The following RXFP3 variants were observed in gnomAD, a reference collection of about 807,000 sequenced individuals.
RXFP3 encodes the protein relaxin-3 receptor 1.
RXFP3 carries 31 observed loss-of-function variants against 27.3 expected under a neutral mutation model. The ratio of observed to expected loss-of-function variants is 1.13; its 90% confidence interval spans 0.85 to 1.53. The LOEUF is 1.53. RXFP3 is among the 40% of genes most tolerant of loss of function. RXFP3 has a pLI of 0.00. For synonymous variants in RXFP3, 351 were observed against 293.6 expected (o/e 1.20, Z -2.00); for missense variants, 684 against 642.1 (o/e 1.07, Z -0.70).
Position 33,937,724 on chromosome 5 carries a change from GA to G in RXFP3, c.985del (p.Thr329ProfsTer45). On this transcript the variant is annotated frameshift_variant, in exon 1 of 1. Transcript: ENST00000330120. LOFTEE classifies it high-confidence loss of function. ...GACTGTCGAAGGTCACCAAATCAGTGACCATCGTTGTCCTGTCCTTCTTCCT... is the reference window on the plus strand; with the variant it reads ...GACTGTCGAAGGTCACCAAATCAGTGCCATCGTTGTCCTGTCCTTCTTCCT... Reference protein sequence around the residue: ...RRLSKVTKSVTIVVLSFFLCW... With the variant: ...RRLSKVTKSVXIVVLSFFLCW... 1.2e-6 allele frequency: 2 copies of G among 1,613,850 alleles called. No individual in the cohort carries two copies. The highest frequency in any genetic ancestry group is 1.7e-6 in the Non-Finnish European group (2 of 1,179,966).
chr5:33,937,269 A>G lies in RXFP3; in HGVS notation c.529A>G (p.Ser177Gly), dbSNP rs529072137. 1 of 1,613,734 alleles carries G rather than the reference A, an allele frequency of 6.2e-7. No individual in the cohort carries two copies. The highest frequency in any genetic ancestry group is 1.3e-5 in the African/African-American group (1 of 75,052). Reference protein sequence around the residue: ...YASVFFLTAMSVTRYHSVASA... With the variant: ...YASVFFLTAMGVTRYHSVASA... ...CAGCGTGTTCTTCCTCACTGCCATG[A>G]GTGTGACGCGCTACCATTCGGTGGC... Residue 177 changes from serine to glycine, a missense_variant, in exon 1 of 1, where the codon AGT (serine) becomes GGT (glycine). Ser to Gly is a moderately conservative substitution (Grantham distance 56). Transcript: ENST00000330120.
In RXFP3 at chr5:33,937,633, G is replaced by A; in HGVS notation, c.893G>A (p.Arg298His). The A allele has an allele frequency of 1.3e-6, 2 of 1,593,484 alleles. No homozygotes were observed. The highest frequency in any genetic ancestry group is 1.7e-6 in the Non-Finnish European group (2 of 1,170,244). ...CTGGTGCGCTTCATCGCCGACCGCC[G>A]CGCGGCGGGGACCAAAGGAGGGGCC... Reference protein sequence around the residue: ...LLLVRFIADRRAAGTKGGAAV... With the variant: ...LLLVRFIADRHAAGTKGGAAV... The change falls in exon 1 of 1, where the codon CGC (arginine) becomes CAC (histidine). Residue 298 changes from arginine (R) to histidine (H), a missense_variant. Physicochemically the swap from Arg to His is conservative, Grantham distance 29. Coordinates refer to ENST00000330120, the MANE Select transcript of RXFP3 (RefSeq NM_016568.3).
chr5:33,936,898 G>T lies in RXFP3; in HGVS notation c.158G>T (p.Gly53Val). The T allele has an allele frequency of 1.2e-6, 2 of 1,603,446 alleles. No individual in the cohort carries two copies. The highest frequency in any genetic ancestry group is 1.7e-6 in the Non-Finnish European group (2 of 1,172,314). Residue 53 changes from glycine to valine, a missense_variant, in exon 1 of 1, where the codon GGG becomes GTG. By Grantham distance (109) the Gly-to-Val change is moderately radical (BLOSUM62 -3). Transcript: ENST00000330120. ...LQLPDLWWEL[G>V]LELPDGAPPG... is the part of the protein sequence containing the mutation. ...CTTCCGGACTTGTGGTGGGAGCTGG[G>T]GCTGGAGTTGCCGGACGGCGCGCCG...
At position 33,936,420 on chromosome 5, in the gene RXFP3, G is replaced by C. The variant is rs944008158; in HGVS notation, c.-321G>C. ...TGCGCCAGTGCCCCAGTGACCGCGG[G>C]ACACGGAGAGGGGAAGTCTGCGTTG... On this transcript the variant is annotated 5_prime_UTR_variant, in exon 1 of 1. Coordinates refer to ENST00000330120, the MANE Select transcript of RXFP3 (RefSeq NM_016568.3). 2 of 329,370 alleles carry C rather than the reference G, an allele frequency of 6.1e-6. No homozygotes were observed. The allele number at this position is 329,370 out of a possible 1,614,324, so 20.4% of individuals were successfully genotyped here.
chr5:33,938,219 G>A lies in RXFP3; in HGVS notation c.*69G>A. On this transcript the variant is annotated 3_prime_UTR_variant, in exon 1 of 1. Coordinates refer to ENST00000330120, the MANE Select transcript of RXFP3 (RefSeq NM_016568.3). The stretch of plus-strand genomic sequence containing the variant: ...TTCCCCGGGCGGTAAAGAGGTGAAA[G>A]GATGAAGGAGGGCTGGGGGGGGCCC... 2 of 1,401,430 alleles carry A rather than the reference G, an allele frequency of 1.4e-6. No individual in the cohort carries two copies. Among genetic ancestry groups the A allele is most frequent in the Non-Finnish European group, 1.9e-6 (2 of 1,040,898 alleles). The allele number at this position is 1,401,430 out of a possible 1,614,324, so 86.8% of individuals were successfully genotyped here. A position where few individuals can be genotyped will look rare whatever the true frequency, so the allele number is the denominator to read the frequency against.
rs1481160470 is a variant in RXFP3, at chr5:33,938,002, C to T, written c.1262C>T (p.Thr421Ile). Residue 421 changes from threonine (T) to isoleucine (I), a missense_variant, in exon 1 of 1, where the codon ACT becomes ATT. Coordinates refer to ENST00000330120, the MANE Select transcript of RXFP3 (RefSeq NM_016568.3). ...ACCAGCATGCGCCCCTTCACCGCCA[C>T]TACCAAGCCGGAGCACGAGGATCAG... ...SITSMRPFTA[T>I]TKPEHEDQGL... 6 of 1,612,982 alleles carry T rather than the reference C, an allele frequency of 3.7e-6. No homozygotes were observed. Among genetic ancestry groups the T allele is most frequent in the South Asian group, 1.1e-5 (1 of 91,072 alleles).
rs1751736696 is a variant in RXFP3, at chr5:33,938,838, C to A, written c.*688C>A. Among the ~76,000 whole-genome samples, 1 of 152,200 alleles carries A rather than the reference C, an allele frequency of 6.6e-6. No homozygotes were observed. The highest frequency in any genetic ancestry group is 2.4e-5 in the African/African-American group (1 of 41,458). ...CCTGAGCCCGACCTAGCTGCACAGC[C>A]CCGGAGCTCAGACGTTAGCAGGGGG... On this transcript the variant is annotated 3_prime_UTR_variant, in exon 1 of 1. Transcript: ENST00000330120.
In RXFP3 at chr5:33,937,048, T is replaced by A; in HGVS notation, c.308T>A (p.Leu103His). Residue 103 changes from leucine (L) to histidine (H), a missense_variant, in exon 1 of 1, where the codon CTC becomes CAC. Coordinates refer to ENST00000330120, the MANE Select transcript of RXFP3 (RefSeq NM_016568.3). ...GGGTTGGCGGGCAACCTGCTGGTTC[T>A]CTACCTGATGAAGAGCATGCAGGGC... ...ALGLAGNLLV[L>H]YLMKSMQGWR... The A allele has an allele frequency of 6.2e-7, 1 of 1,614,246 alleles. No homozygotes were observed. Among genetic ancestry groups the A allele is most frequent in the Non-Finnish European group, 8.5e-7 (1 of 1,180,044 alleles).
In RXFP3 at chr5:33,936,571, C is replaced by A. The variant is rs1425293416; in HGVS notation, c.-170C>A. 1.8e-6 allele frequency: 1 copy of A among 571,162 alleles called. No homozygotes were observed. The highest frequency in any genetic ancestry group is 4.7e-5 in the South Asian group (1 of 21,426). The allele number at this position is 571,162 out of a possible 1,614,324, so 35.4% of individuals were successfully genotyped here. The stretch of plus-strand genomic sequence containing the variant: ...CTGAGCTCAACTCCTGCGTCCAGGG[C>A]GTTCGCTGCGCGCCAGGACGCGCTT... On this transcript the variant is annotated 5_prime_UTR_variant, in exon 1 of 1. Coordinates refer to ENST00000330120, the MANE Select transcript of RXFP3 (RefSeq NM_016568.3).
Position 33,937,151 on chromosome 5 carries a change from C to T in RXFP3, c.411C>T (p.Phe137=). The change falls in exon 1 of 1, where the codon TTC becomes TTT. Residue 137 remains phenylalanine, a synonymous_variant. Transcript: ENST00000330120. ...TTCAGTTTGTGCTCACCCTGCCCTT[C>T]TGGGCGGTGGAGAACGCTCTTGACT... ...TDFQFVLTLP[F]WAVENALDFK... 1.2e-6 allele frequency: 2 copies of T among 1,613,478 alleles called. No individual in the cohort carries two copies. The highest frequency in any genetic ancestry group is 1.3e-5 in the African/African-American group (1 of 75,076).
At position 33,938,859 on chromosome 5, in the gene RXFP3, G is replaced by A. The variant is rs1052920665; in HGVS notation, c.*709G>A. On this transcript the variant is annotated 3_prime_UTR_variant, in exon 1 of 1. Transcript: ENST00000330120. ...CAGCCCCGGAGCTCAGACGTTAGCAGGGGGATAACACCTGTCACCAGCTTG... is the reference window on the plus strand; with the variant it reads ...CAGCCCCGGAGCTCAGACGTTAGCAAGGGGATAACACCTGTCACCAGCTTG... 6.6e-6 allele frequency among the ~76,000 whole-genome samples: 1 copy of A among 152,230 alleles called. No individual in the cohort carries two copies. Among genetic ancestry groups the A allele is most frequent in the Non-Finnish European group, 1.5e-5 (1 of 68,036 alleles).
In RXFP3 at chr5:33,937,229, C is replaced by T; in HGVS notation, c.489C>T (p.Ser163=). 1.2e-6 allele frequency: 2 copies of T among 1,614,124 alleles called. No individual in the cohort carries two copies. Among genetic ancestry groups the T allele is most frequent in the Non-Finnish European group, 1.7e-6 (2 of 1,180,046 alleles). The part of the protein sequence containing the change: ...AMCKIVSMVT[S]MNMYASVFFL... ...GTAAGATCGTGTCCATGGTGACGTC[C>T]ATGAACATGTACGCCAGCGTGTTCT... is the stretch of plus-strand genomic sequence containing the variant. Residue 163 remains serine (S), a synonymous_variant, in exon 1 of 1, where the codon TCC becomes TCT. Coordinates refer to ENST00000330120, the MANE Select transcript of RXFP3 (RefSeq NM_016568.3).
rs2111879556 is a variant in RXFP3 at position 33,936,408 on chromosome 5, C to T, written c.-333C>T. 1 of 311,590 alleles carries T rather than the reference C, an allele frequency of 3.2e-6. No homozygotes were observed. Among genetic ancestry groups the T allele is most frequent in the East Asian group, 5.2e-5 (1 of 19,328 alleles). 19.3% of individuals were successfully genotyped at this position (311,590 alleles called of 1,614,324 possible). A position where few individuals can be genotyped will look rare whatever the true frequency, so the allele number is the denominator to read the frequency against. ...CTGGGGGAGTTATGCGCCAGTGCCC[C>T]AGTGACCGCGGGACACGGAGAGGGG... is the stretch of plus-strand genomic sequence containing the variant. On this transcript the variant is annotated 5_prime_UTR_variant, in exon 1 of 1. Transcript: ENST00000330120.
rs778264518 is a variant in RXFP3, at chr5:33,937,762, C to G, written c.1022C>G (p.Pro341Arg). 6.2e-7 allele frequency: 1 copy of G among 1,614,090 alleles called. No individual in the cohort carries two copies. The highest frequency in any genetic ancestry group is 1.7e-5 in the Admixed American group (1 of 60,034). Residue 341 changes from proline (P) to arginine (R), a missense_variant, in exon 1 of 1, where the codon CCC becomes CGC. Physicochemically the swap from Pro to Arg is moderately radical, Grantham distance 103 (BLOSUM62 -2). Transcript: ENST00000330120. ...VVLSFFLCWL[P>R]NQALTTWSIL... ...CTGTCCTTCTTCCTGTGTTGGCTGC[C>G]CAACCAGGCGCTCACCACCTGGAGC...
chr5:33,937,744 T>A lies in RXFP3; in HGVS notation c.1004T>A (p.Phe335Tyr), dbSNP rs1252235863. 1 of 1,613,984 alleles carries A rather than the reference T, an allele frequency of 6.2e-7. No individual in the cohort carries two copies. The highest frequency in any genetic ancestry group is 8.5e-7 in the Non-Finnish European group (1 of 1,179,994). Reference sequence around the variant, plus strand: ...TCAGTGACCATCGTTGTCCTGTCCTTCTTCCTGTGTTGGCTGCCCAACCAG... The same window carrying A: ...TCAGTGACCATCGTTGTCCTGTCCTACTTCCTGTGTTGGCTGCCCAACCAG... ...TKSVTIVVLS[F>Y]FLCWLPNQAL... Residue 335 changes from phenylalanine (F) to tyrosine (Y), a missense_variant, in exon 1 of 1, where the codon TTC (phenylalanine) becomes TAC (tyrosine). Physicochemically the swap from Phe to Tyr is conservative, Grantham distance 22 (BLOSUM62 3). Coordinates refer to ENST00000330120, the MANE Select transcript of RXFP3 (RefSeq NM_016568.3).
rs553597788 is a variant in RXFP3, at chr5:33,936,593, G to C, written c.-148G>C. The C allele has an allele frequency of 2.8e-6, 2 of 715,886 alleles. No individual in the cohort carries two copies. The highest frequency in any genetic ancestry group is 1.8e-5 in the African/African-American group (1 of 56,406). 44.3% of individuals were successfully genotyped at this position (715,886 alleles called of 1,614,324 possible). On this transcript the variant is annotated 5_prime_UTR_variant, in exon 1 of 1. Transcript: ENST00000330120. The stretch of plus-strand genomic sequence containing the variant: ...GGGCGTTCGCTGCGCGCCAGGACGC[G>C]CTTAGTACCCAGTTCCTGGGCTCTC...
rs145616386 is a variant in RXFP3, at chr5:33,938,842, G to T, written c.*692G>T. Among the ~76,000 whole-genome samples, 1 of 152,336 alleles carries T rather than the reference G, an allele frequency of 6.6e-6. No homozygotes were observed. Among genetic ancestry groups the T allele is most frequent in the African/African-American group, 2.4e-5 (1 of 41,598 alleles). On this transcript the variant is annotated 3_prime_UTR_variant, in exon 1 of 1. Coordinates refer to ENST00000330120, the MANE Select transcript of RXFP3 (RefSeq NM_016568.3). ...AGCCCGACCTAGCTGCACAGCCCCG[G>T]AGCTCAGACGTTAGCAGGGGGATAA...
In RXFP3 at chr5:33,938,376, C is replaced by T. The variant is rs907109982; in HGVS notation, c.*226C>T. 3.5e-6 allele frequency: 2 copies of T among 576,218 alleles called. No individual in the cohort carries two copies. Among genetic ancestry groups the T allele is most frequent in the Non-Finnish European group, 6.2e-6 (2 of 321,240 alleles). 35.7% of individuals were successfully genotyped at this position (576,218 alleles called of 1,614,324 possible). On this transcript the variant is annotated 3_prime_UTR_variant, in exon 1 of 1. Transcript: ENST00000330120. ...GAGGAAATTGGCAAAGGGATAGAGACGAGCCCCACGGGCCAGACAGCCAAC... is the reference window on the plus strand; with the variant it reads ...GAGGAAATTGGCAAAGGGATAGAGATGAGCCCCACGGGCCAGACAGCCAAC...
At position 33,937,194 on chromosome 5, in the gene RXFP3, A is replaced by C; in HGVS notation, c.454A>C (p.Lys152Gln). ...NALDFKWPFGKAMCKIVSMVT... is the reference protein window; with the variant it reads ...NALDFKWPFGQAMCKIVSMVT... The stretch of plus-strand genomic sequence containing the variant: ...TCTTGACTTCAAATGGCCCTTCGGC[A>C]AGGCCATGTGTAAGATCGTGTCCAT... Residue 152 changes from lysine (K) to glutamine (Q), a missense_variant, in exon 1 of 1, where the codon AAG becomes CAG. Transcript: ENST00000330120. 1 of 1,614,050 alleles carries C rather than the reference A, an allele frequency of 6.2e-7. No individual in the cohort carries two copies. Among genetic ancestry groups the C allele is most frequent in the Non-Finnish European group, 8.5e-7 (1 of 1,179,902 alleles).
Sources: allele counts gnomAD v4.1 joint callset (sites outside exome capture counted in the v4.1 genomes callset), GRCh38; gene constraint gnomAD v4.1.1; transcripts MANE v1.5; gene names NCBI Gene and HGNC (gene_info 2026-07-23, HGNC 2026-07-21).